SORCS2: variants seen among roughly 807,000 people sequenced by gnomAD.
SORCS2 encodes the protein VPS10 domain-containing receptor SorCS2.
In SORCS2, 100 loss-of-function variants were observed where a neutral mutation model predicts 141.6. That is an observed-to-expected ratio of 0.71 (90% CI 0.60 to 0.83). The LOEUF is 0.83. SORCS2 is among the 40% of genes least tolerant of loss of function. The probability of loss-of-function intolerance (pLI) is 0.00; values close to 1 mark genes in which losing one functional copy is unlikely to be tolerated. For synonymous variants in SORCS2, 789 were observed against 676.9 expected, an observed-to-expected ratio of 1.17 and a Z score of -2.57; for missense variants, 1,646 against 1,560.2, an observed-to-expected ratio of 1.05 and a Z score of -0.93.
At chr4:7,633,020 G>A (rs180901627) in intron 3 of SORCS2, among the ~76,000 whole-genome samples, 55 of 152,300 alleles carry the variant, frequency 3.6e-4, no homozygotes, top group African/African-American at 1.3e-3. Flanking sequence ...ATGTATAAAT[G>A]AGAAGCATTT....
At chr4:7,645,137 C>A (rs1031138630) in intron 4 of SORCS2, among the ~76,000 whole-genome samples, 1 of 152,208 alleles carries the variant, frequency 6.6e-6, no homozygotes, top group African/African-American at 2.4e-5. Context: ...GGTGACGACT[C>A]GCTTTTTAGG....
At chr4:7,361,555 G>T (rs576738797) in intron 1 of SORCS2, among the ~76,000 whole-genome samples, 19 of 151,436 alleles carry the variant, frequency 1.3e-4, no homozygotes, top group African/African-American at 4.3e-4. Context: ...CAGGCCCCCT[G>T]CCTCTGTTAT....
intron 1 of SORCS2, among the ~76,000 whole-genome samples, chr4:7,220,386 A>T (rs1386869364): frequency 6.6e-6 from 1 of 152,098 alleles, no homozygotes; most frequent in Non-Finnish European, 1.5e-5. Flanking sequence ...TCTTCTCTGC[A>T]CCCCACTACT....
intron 10 of SORCS2, among the ~76,000 whole-genome samples, chr4:7,687,660 G>A (rs1723962204): frequency 1.3e-5 from 2 of 152,056 alleles, no homozygotes; most frequent in Non-Finnish European, 2.9e-5. Flanking sequence ...CGTCTGCAAT[G>A]GACACAGGGC....
At chr4:7,691,704 G>A (rs770812398) in intron 11 of SORCS2, among the ~76,000 whole-genome samples, 1 of 151,998 alleles carries the variant, frequency 6.6e-6, no homozygotes, top group Non-Finnish European at 1.5e-5. Context: ...CACCACCCAC[G>A]TTAGACACCC....
At chr4:7,370,724 C>G (rs1462882393) in intron 1 of SORCS2, among the ~76,000 whole-genome samples, 1 of 152,226 alleles carries the variant, frequency 6.6e-6, no homozygotes. Flanking sequence ...CAATGCCCTC[C>G]TGTGCCTTGA....
chr4:7,336,613 G>A (rs1182810178), intron 1 of SORCS2, among the ~76,000 whole-genome samples: 1 of 79,208 alleles, frequency 1.3e-5, no homozygotes, highest in Non-Finnish European at 2.6e-5. Context: ...TGGTGGAAGC[G>A]CCAGTAGCAC....
At chr4:7,194,871 G>C (rs954656882) in intron 1 of SORCS2, among the ~76,000 whole-genome samples, 1 of 152,184 alleles carries the variant, frequency 6.6e-6, no homozygotes, top group African/African-American at 2.4e-5. Flanking sequence ...CCCATCTGCC[G>C]AGGTGGTTGA....
intron 12 of SORCS2, 26 bp downstream of exon 12, chr4:7,697,300 A>G: frequency 6.4e-7 from 1 of 1,551,108 alleles, no homozygotes; most frequent in South Asian, 1.2e-5. Context: ...GGTGCCTGGT[A>G]CCCCCCACCC....
intron 2 of SORCS2, among the ~76,000 whole-genome samples, chr4:7,427,724 CA>C (rs112662133): frequency 6.6e-6 from 1 of 151,976 alleles, no homozygotes; most frequent in African/African-American, 2.4e-5. Context: ...CACATGGAGG[CA>C]GGGGGCAAGA....
chr4:7,282,424 C>T (rs1015314489), intron 1 of SORCS2, among the ~76,000 whole-genome samples: 7 of 152,162 alleles, frequency 4.6e-5, no homozygotes, highest in Non-Finnish European at 8.8e-5. Context: ...CTTATTCATT[C>T]CGAATGCAAA....
At chr4:7,223,882 CTGTTAAGGCCCA>C (rs879442809) in intron 1 of SORCS2, among the ~76,000 whole-genome samples, 70,904 of 121,962 alleles carry the variant, frequency 0.58, 16,547 homozygotes, top group East Asian at 0.63. Flanking sequence ...CTGTTAAGTG[CTGTTAAGGCCCA>C]GAGTCAGTCC....
At chr4:7,330,068 G>A (rs909220503) in intron 1 of SORCS2, among the ~76,000 whole-genome samples, 2 of 151,608 alleles carry the variant, frequency 1.3e-5, no homozygotes, top group Non-Finnish European at 2.9e-5. Context: ...AGCTTCTTAG[G>A]GGCCACCCGC....
At chr4:7,307,933 C>G (rs1307953600) in intron 1 of SORCS2, among the ~76,000 whole-genome samples, 1 of 151,922 alleles carries the variant, frequency 6.6e-6, no homozygotes, top group Non-Finnish European at 1.5e-5. Context: ...AGTGTGCATG[C>G]ATGGGGTGGT....
At chr4:7,264,326 G>A (rs1479265344) in intron 1 of SORCS2, among the ~76,000 whole-genome samples, 1 of 152,248 alleles carries the variant, frequency 6.6e-6, no homozygotes, top group Non-Finnish European at 1.5e-5. Context: ...TGTCTGTGCA[G>A]TGAGGGGTTG....
At chr4:7,389,254 G>T (rs995991050) in intron 1 of SORCS2, among the ~76,000 whole-genome samples, 1 of 152,212 alleles carries the variant, frequency 6.6e-6, no homozygotes, top group African/African-American at 2.4e-5. Context: ...AACTCTTTAA[G>T]AACAGCTCCA....
chr4:7,554,706 G>C (rs1431597824), intron 3 of SORCS2, among the ~76,000 whole-genome samples: 1 of 152,206 alleles, frequency 6.6e-6, no homozygotes, highest in African/African-American at 2.4e-5. Flanking sequence ...AGGAGTGCCA[G>C]GATTGAGATT....
intron 1 of SORCS2, among the ~76,000 whole-genome samples, chr4:7,368,233 C>G (rs1232205581): frequency 6.6e-6 from 1 of 152,214 alleles, no homozygotes; most frequent in Non-Finnish European, 1.5e-5. Flanking sequence ...GTGAGCCAGA[C>G]TCTCCAGGGA....
chr4:7,534,619 G>A (rs1007760045), intron 3 of SORCS2, among the ~76,000 whole-genome samples: 1 of 152,210 alleles, frequency 6.6e-6, no homozygotes, highest in Non-Finnish European at 1.5e-5. Flanking sequence ...CCTTGTGGAG[G>A]GCAGCAGGAG....
Sources: gnomAD v4.1 joint callset for allele counts (sites outside exome capture counted in the v4.1 genomes callset) on GRCh38, gnomAD v4.1.1 for gene constraint, MANE v1.5 for transcripts, NCBI Gene and HGNC (gene_info 2026-07-23, HGNC 2026-07-21) for gene names.